Variants in PPP1CB observed in about 807,000 individuals in gnomAD.
PPP1CB encodes the protein protein phosphatase 1 catalytic subunit beta, also known as serine/threonine-protein phosphatase PP1-beta catalytic subunit.
PPP1CB carries 2 observed loss-of-function variants against 43.7 expected under a neutral mutation model. That is an observed-to-expected ratio of 0.05 (90% confidence interval 0.02 to 0.14). The LOEUF (loss-of-function observed/expected upper bound fraction) is 0.14, where lower values mean the gene tolerates loss of function less well. Ranked by LOEUF, PPP1CB falls within the 10% of genes least tolerant of loss-of-function variation. The pLI, the probability that PPP1CB is intolerant of heterozygous loss-of-function variation, is 1.00. For missense variants in PPP1CB, 84 were observed against 398.0 expected (o/e 0.21, Z 6.71); for synonymous variants, 136 against 135.6 (o/e 1.00, Z -0.02).
At chr2:28,782,988 T>C (rs375050329) in intron 4 of PPP1CB, 14 of 152,330 alleles carry the variant, frequency 9.2e-5, no homozygotes, top group African/African-American at 3.4e-4. Context: ...AGGATAGAAG[T>C]GTAGCAGTAT....
At chr2:28,776,316 G>A (rs918151579) in intron 1 of PPP1CB, among the ~76,000 whole-genome samples, 2 of 151,784 alleles carry the variant, frequency 1.3e-5, no homozygotes, top group African/African-American at 2.4e-5. Context: ...AGGCTGGAGT[G>A]CAATGGGGCG....
chr2:28,787,336 G>C (rs1034290321), intron 5 of PPP1CB, among the ~76,000 whole-genome samples: 2 of 152,146 alleles, frequency 1.3e-5, no homozygotes, highest in African/African-American at 2.4e-5. Context: ...GCGGGCACCT[G>C]TAGTCCCAGC....
At position 28,799,155 on chromosome 2, in the gene PPP1CB, T is replaced by C. The variant is rs752131922; in HGVS notation, c.880-44T>C. ...CAATTGTAACAATTTTCTTAACTTC[T>C]GTACATGAAAAAATAACATTATTTG... is the stretch of plus-strand genomic sequence containing the variant. On this transcript the variant is annotated intron_variant, in intron 7 of 7. Coordinates refer to ENST00000395366, the MANE Select transcript of PPP1CB (RefSeq NM_002709.3). 37 of 1,327,200 alleles carry C rather than the reference T, an allele frequency of 2.8e-5. No homozygotes were observed. In the South Asian group the frequency reaches 4.2e-4, roughly 15 times the overall value. 82.2% of individuals were successfully genotyped at this position (1,327,200 alleles called of 1,614,324 possible). A position where few individuals can be genotyped will look rare whatever the true frequency, so the allele number is the denominator to read the frequency against.
chr2:28,793,022 A>G (rs866551041), intron 6 of PPP1CB, among the ~76,000 whole-genome samples: 1 of 152,138 alleles, frequency 6.6e-6, no homozygotes, highest in Admixed American at 6.5e-5. Context: ...CCTGGCCAAC[A>G]TGACAAAACC....
At chr2:28,786,904 C>G (rs1200163864) in intron 5 of PPP1CB, among the ~76,000 whole-genome samples, 3 of 151,840 alleles carry the variant, frequency 2.0e-5, no homozygotes, top group Non-Finnish European at 4.4e-5. Flanking sequence ...TCAGCTTCAA[C>G]CAGAAAGGGC....
chr2:28,801,751 T>A lies in PPP1CB; in HGVS notation c.*2448T>A, dbSNP rs560757095. 6.6e-6 allele frequency: 1 copy of A among 152,216 alleles called. No individual in the cohort carries two copies. The highest frequency in any genetic ancestry group is 6.5e-5 in the Admixed American group (1 of 15,274). 9.4% of individuals were successfully genotyped at this position (152,216 alleles called of 1,614,324 possible). Reference sequence around the variant, plus strand: ...TGTATACAATTTAATCCAAATGTTATGACATTCAGAAATCATGAAACACAG... The same window carrying A: ...TGTATACAATTTAATCCAAATGTTAAGACATTCAGAAATCATGAAACACAG... On this transcript the variant is annotated 3_prime_UTR_variant, in exon 8 of 8. Transcript: ENST00000395366.
At chr2:28,782,074 GT>G in intron 4 of PPP1CB, 1 of 472,072 alleles carries the variant, frequency 2.1e-6, no homozygotes, top group African/African-American at 2.0e-5. Context: ...AACTAGAGTT[GT>G]TTGAGAAAGT....
At position 28,752,092 on chromosome 2, in the gene PPP1CB, C is replaced by T. The variant is rs1666307160; in HGVS notation, c.-33C>T. ...CTCCGCCGCCGAGAAGCCCTTGTTC[C>T]CGCTGCTGGGAAGGAGAGTCTGTGC... is the stretch of plus-strand genomic sequence containing the variant. On this transcript the variant is annotated 5_prime_UTR_variant, in exon 1 of 8. Coordinates refer to ENST00000395366, the MANE Select transcript of PPP1CB (RefSeq NM_002709.3). 1.3e-6 allele frequency: 2 copies of T among 1,549,538 alleles called. No individual in the cohort carries two copies.
chr2:28,785,076 T>TG (rs1667236500), intron 5 of PPP1CB, among the ~76,000 whole-genome samples: 1 of 101,930 alleles, frequency 9.8e-6, no homozygotes, highest in African/African-American at 4.2e-5. Flanking sequence ...TTTTTTTTTT[T>TG]TTTTTTTTTT....
In PPP1CB at chr2:28,751,845, G is replaced by T; in HGVS notation, c.-280G>T. 1 of 538,490 alleles carries T rather than the reference G, an allele frequency of 1.9e-6. No individual in the cohort carries two copies. 33.4% of individuals were successfully genotyped at this position (538,490 alleles called of 1,614,324 possible). A position where few individuals can be genotyped will look rare whatever the true frequency, so the allele number is the denominator to read the frequency against. On this transcript the variant is annotated 5_prime_UTR_variant, in exon 1 of 8. Coordinates refer to ENST00000395366, the MANE Select transcript of PPP1CB (RefSeq NM_002709.3). The stretch of plus-strand genomic sequence containing the variant: ...GGTGAGCTTTGCGGAGCTGGGCGGT[G>T]CCGAGGAGGAGGAGGTGGCGGCCTG...
At chr2:28,758,524 C>G (rs1666541624) in intron 1 of PPP1CB, among the ~76,000 whole-genome samples, 1 of 152,182 alleles carries the variant, frequency 6.6e-6, no homozygotes, top group East Asian at 1.9e-4. Flanking sequence ...GATTGATACC[C>G]TTAGGCAGCA....
intron 6 of PPP1CB, among the ~76,000 whole-genome samples, chr2:28,791,994 C>T (rs1262770930): frequency 6.6e-6 from 1 of 152,036 alleles, no homozygotes; most frequent in Non-Finnish European, 1.5e-5. Flanking sequence ...ACATGGAGTC[C>T]ATGACCAGCC....
At chr2:28,788,469 A>G (rs1484702248) in intron 5 of PPP1CB, among the ~76,000 whole-genome samples, 189 bp from the exon 6 acceptor site, 3 of 122,952 alleles carry the variant, frequency 2.4e-5, no homozygotes, top group African/African-American at 8.2e-5. Flanking sequence ...GGAAGATTAT[A>G]TTTGTATGGT....
At chr2:28,780,707 A>G (rs1341860304) in intron 3 of PPP1CB, among the ~76,000 whole-genome samples, 3 of 152,238 alleles carry the variant, frequency 2.0e-5, no homozygotes, top group East Asian at 3.8e-4. Context: ...ATAAAAGCAC[A>G]GGAAGTTAGT....
chr2:28,772,088 G>A (rs952613647), intron 1 of PPP1CB, among the ~76,000 whole-genome samples: 21 of 152,134 alleles, frequency 1.4e-4, no homozygotes, highest in Non-Finnish European at 2.6e-4. Context: ...AGGCCAAGGC[G>A]GGGAGATTAT....
At chr2:28,795,543 T>C (rs1667481881) in intron 7 of PPP1CB, among the ~76,000 whole-genome samples, 1 of 152,158 alleles carries the variant, frequency 6.6e-6, no homozygotes, top group Admixed American at 6.5e-5. Flanking sequence ...ATCTTGTGGT[T>C]TGATTTACAT....
At chr2:28,765,777 G>A (rs913055146) in intron 1 of PPP1CB, among the ~76,000 whole-genome samples, 14 of 152,164 alleles carry the variant, frequency 9.2e-5, no homozygotes, top group African/African-American at 3.4e-4. Context: ...AGCCAGGTGT[G>A]GTGGCATGTG....
chr2:28,778,352 A>G (rs1403546995), intron 2 of PPP1CB: 1 of 470,674 alleles, frequency 2.1e-6, no homozygotes, highest in Non-Finnish European at 4.4e-6. Flanking sequence ...GTGGGTCAGG[A>G]ATTCAGGAAC....
intron 6 of PPP1CB, among the ~76,000 whole-genome samples, chr2:28,790,775 A>G (rs975259915): frequency 6.6e-6 from 1 of 152,242 alleles, no homozygotes; most frequent in African/African-American, 2.4e-5. Flanking sequence ...TAATATCAGC[A>G]AAGAGAAAAG....
Sources: allele counts gnomAD v4.1 joint callset (sites outside exome capture counted in the v4.1 genomes callset), GRCh38; gene constraint gnomAD v4.1.1; transcripts MANE v1.5; gene names NCBI Gene and HGNC (gene_info 2026-07-23, HGNC 2026-07-21).